GABPB1: variants seen among roughly 807,000 people sequenced by gnomAD.
The protein encoded by GABPB1 is GA-binding protein subunit beta-1.
In GABPB1, 15 loss-of-function variants were observed where a neutral mutation model predicts 45.9. The observed-to-expected ratio is 0.33, with a 90% CI of 0.22 to 0.50. GABPB1 has a LOEUF of 0.50. GABPB1 is among the 20% of genes least tolerant of loss of function. The probability of loss-of-function intolerance (pLI) is 0.98; values close to 1 mark genes in which losing one functional copy is unlikely to be tolerated. For missense variants in GABPB1, 252 were observed against 457.5 expected (o/e 0.55, Z 4.10); for synonymous variants, 143 against 154.4 (o/e 0.93, Z 0.55).
chr15:50,351,401 T>A (rs1322509581), intron 1 of GABPB1: 1 of 152,126 alleles, frequency 6.6e-6, no homozygotes, highest in Non-Finnish European at 1.5e-5. Flanking sequence ...CACAGTGAGA[T>A]CTCGTCTCTA....
At chr15:50,322,490 G>A (rs1487396921) in intron 1 of GABPB1, among the ~76,000 whole-genome samples, 1 of 151,908 alleles carries the variant, frequency 6.6e-6, no homozygotes, top group Non-Finnish European at 1.5e-5. Context: ...AGGTTGCAGT[G>A]ACCCAAGATT....
intron 2 of GABPB1, among the ~76,000 whole-genome samples, chr15:50,305,875 G>A (rs1237607307): frequency 1.3e-5 from 2 of 151,980 alleles, no homozygotes; most frequent in Non-Finnish European, 2.9e-5. Context: ...TCAAACTTCT[G>A]AGCTCAAGCG....
intron 1 of GABPB1, chr15:50,350,786 T>A (rs75175518): frequency 6.6e-6 from 1 of 152,134 alleles, no homozygotes; most frequent in African/African-American, 2.4e-5. Context: ...TTTGAGGAAA[T>A]TTATCTTGAA....
chr15:50,294,375 G>A (rs751441315), intron 6 of GABPB1, among the ~76,000 whole-genome samples: 4 of 152,122 alleles, frequency 2.6e-5, no homozygotes, highest in Non-Finnish European at 4.4e-5. Context: ...TTAGCTGGGC[G>A]TGGTGGCACG....
Position 50,277,186 on chromosome 15 carries a change from C to T in GABPB1, c.*1446G>A, listed in dbSNP as rs1419569630. 1 of 152,050 alleles carries T rather than the reference C, an allele frequency of 6.6e-6. No homozygotes were observed. The highest frequency in any genetic ancestry group is 1.9e-4 in the East Asian group (1 of 5,186). The allele number at this position is 152,050 out of a possible 1,614,324, so 9.4% of individuals were successfully genotyped here. On this transcript the variant is annotated 3_prime_UTR_variant, in exon 9 of 9. Coordinates refer to ENST00000380877, the MANE Select transcript of GABPB1 (RefSeq NM_016654.5). ...TATAAAATATTTTCATATGGTGGCT[C>T]AAATATGCAGTAGGATAACATTTTT...
At chr15:50,305,796 T>C (rs1244141042) in intron 2 of GABPB1, among the ~76,000 whole-genome samples, 1 of 152,016 alleles carries the variant, frequency 6.6e-6, no homozygotes, top group Non-Finnish European at 1.5e-5. Flanking sequence ...TTTTGTTTTT[T>C]TCTGAGACAG....
At chr15:50,341,009 T>C (rs1304366834) in intron 1 of GABPB1, among the ~76,000 whole-genome samples, 1 of 129,686 alleles carries the variant, frequency 7.7e-6, no homozygotes, top group Non-Finnish European at 1.6e-5. Context: ...TTACATATGG[T>C]TTATTACATA....
chr15:50,319,447 T>C (rs773732614), intron 1 of GABPB1, among the ~76,000 whole-genome samples: 2 of 152,170 alleles, frequency 1.3e-5, no homozygotes, highest in African/African-American at 2.4e-5. Flanking sequence ...CTCCCCGCTT[T>C]TGGACTCCCT....
At chr15:50,346,587 GTTTT>G (rs67151288) in intron 1 of GABPB1, among the ~76,000 whole-genome samples, 5 of 119,906 alleles carry the variant, frequency 4.2e-5, no homozygotes, top group African/African-American at 9.8e-5. Flanking sequence ...ACAACAGAAA[GTTTT>G]TTTTTTTTTT....
chr15:50,297,948 A>G (rs2046580127), intron 6 of GABPB1, among the ~76,000 whole-genome samples: 1 of 152,246 alleles, frequency 6.6e-6, no homozygotes, highest in African/African-American at 2.4e-5. Flanking sequence ...CTCTCAGACT[A>G]GACCAAAACA....
intron 7 of GABPB1, among the ~76,000 whole-genome samples, chr15:50,288,353 T>C (rs1401177426): frequency 6.6e-6 from 1 of 152,182 alleles, no homozygotes; most frequent in Non-Finnish European, 1.5e-5. Context: ...ACCATACTAC[T>C]AGCCCTAGTC....
At chr15:50,315,651 G>A (rs2047299035) in intron 1 of GABPB1, among the ~76,000 whole-genome samples, 1 of 152,228 alleles carries the variant, frequency 6.6e-6, no homozygotes, top group Non-Finnish European at 1.5e-5. Flanking sequence ...ATTCTCACCT[G>A]ACAGGGACCA....
chr15:50,323,797 AG>A (rs2047657341), intron 1 of GABPB1, among the ~76,000 whole-genome samples: 2 of 152,174 alleles, frequency 1.3e-5, no homozygotes, highest in Admixed American at 1.3e-4. Context: ...GCTTAAGCCC[AG>A]AAGTTTGAGG....
intron 1 of GABPB1, among the ~76,000 whole-genome samples, chr15:50,326,789 A>C (rs1315189499): frequency 2.0e-5 from 3 of 152,010 alleles, no homozygotes; most frequent in Admixed American, 6.6e-5. Flanking sequence ...AGCCATGATC[A>C]CACTCCTACA....
intron 1 of GABPB1, among the ~76,000 whole-genome samples, chr15:50,330,747 GCAATAT>G (rs1249192348): frequency 6.6e-6 from 1 of 152,110 alleles, no homozygotes; most frequent in Non-Finnish European, 1.5e-5. Flanking sequence ...AATTTCCTCA[GCAATAT>G]ATAGCATAAT....
chr15:50,309,842 T>G (rs2047069968), intron 1 of GABPB1, 44 bp from the exon 2 acceptor site: 1 of 1,123,372 alleles, frequency 8.9e-7, no homozygotes, highest in Non-Finnish European at 1.4e-6. Flanking sequence ...TCTCCATTTA[T>G]ACACTATGAC....
At chr15:50,281,298 A>C (rs943295060) in intron 8 of GABPB1, among the ~76,000 whole-genome samples, 2 of 152,004 alleles carry the variant, frequency 1.3e-5, no homozygotes, top group Non-Finnish European at 2.9e-5. Flanking sequence ...TGCAACCTCC[A>C]CCTCCCGGAT....
chr15:50,334,313 A>C (rs947943479), intron 1 of GABPB1, among the ~76,000 whole-genome samples: 8 of 151,428 alleles, frequency 5.3e-5, no homozygotes, highest in African/African-American at 1.7e-4. Flanking sequence ...AGACTCTCTC[A>C]CTCTATCCCC....
chr15:50,313,698 C>T (rs1037407367), intron 1 of GABPB1, among the ~76,000 whole-genome samples: 1 of 151,808 alleles, frequency 6.6e-6, no homozygotes, highest in African/African-American at 2.4e-5. Flanking sequence ...ATTTATGCCA[C>T]ATTATGAAAA....
Sources: allele counts gnomAD v4.1 joint callset (sites outside exome capture counted in the v4.1 genomes callset), GRCh38; gene constraint gnomAD v4.1.1; transcripts MANE v1.5; gene names NCBI Gene and HGNC (gene_info 2026-07-23, HGNC 2026-07-21).